Variants in TMEM156 observed in about 807,000 individuals in gnomAD.
TMEM156 encodes the protein transmembrane protein 156.
Under a neutral mutation model 30.5 loss-of-function variants are expected in TMEM156, and 28 were observed. The observed-to-expected ratio is 0.92, with a 90% confidence interval of 0.68 to 1.26. TMEM156 has a LOEUF of 1.26. Among genes scored for constraint, TMEM156 ranks in the 50% most tolerant of loss-of-function variants. The pLI is 0.00. For missense variants in TMEM156, 351 were observed against 340.6 expected (o/e 1.03, Z -0.24); for synonymous variants, 137 against 119.9 (o/e 1.14, Z -0.93).
intron 1 of TMEM156, among the ~76,000 whole-genome samples, chr4:38,999,119 T>A (rs34438802): frequency 0.23 from 28,736 of 122,670 alleles, 2,429 homozygotes; most frequent in Middle Eastern, 0.29. Flanking sequence ...TATTTTTTTT[T>A]TTTTTTTTTT....
intron 6 of TMEM156, among the ~76,000 whole-genome samples, chr4:38,969,409 C>T (rs1471757675): frequency 6.6e-6 from 1 of 152,124 alleles, no homozygotes; most frequent in Non-Finnish European, 1.5e-5. Context: ...GCATATGGCA[C>T]GATTTCATTT....
intron 6 of TMEM156, among the ~76,000 whole-genome samples, chr4:38,968,887 A>G (rs892906378): frequency 3.3e-5 from 5 of 152,114 alleles, no homozygotes; most frequent in African/African-American, 1.2e-4. Flanking sequence ...TGGGAGGCCA[A>G]CTTACATAAC....
At chr4:38,980,648 A>C (rs1273727720) in intron 5 of TMEM156, among the ~76,000 whole-genome samples, 5 of 152,218 alleles carry the variant, frequency 3.3e-5, no homozygotes, top group Non-Finnish European at 7.3e-5. Flanking sequence ...CTGCAAAGAA[A>C]GATGTACGGT....
At chr4:39,018,958 T>C (rs1434987304) in intron 1 of TMEM156, among the ~76,000 whole-genome samples, 1 of 149,824 alleles carries the variant, frequency 6.7e-6, no homozygotes, top group Non-Finnish European at 1.5e-5. Context: ...GAGGCAAATG[T>C]TGCAGTGAGC....
chr4:38,974,425 T>C (rs989433146), intron 5 of TMEM156, among the ~76,000 whole-genome samples: 1 of 152,044 alleles, frequency 6.6e-6, no homozygotes, highest in Non-Finnish European at 1.5e-5. Flanking sequence ...ATAATGTTTA[T>C]TTCAAAAATA....
chr4:39,021,423 GAAAAGAAAA>G, intron 1 of TMEM156, among the ~76,000 whole-genome samples: 1 of 151,072 alleles, frequency 6.6e-6, no homozygotes, highest in Middle Eastern at 3.4e-3. Context: ...AAAAAGAAAA[GAAAAGAAAA>G]AAATGAAAAA....
At chr4:38,992,682 T>TATATAATATA (rs374942430) in intron 3 of TMEM156, among the ~76,000 whole-genome samples, 1 of 45,672 alleles carries the variant, frequency 2.2e-5, no homozygotes, top group Admixed American at 2.6e-4. Context: ...ATATAATATA[T>TATATAATATA]TATATAATAT....
At chr4:39,006,958 CAAAA>C (rs1315516421) in intron 1 of TMEM156, among the ~76,000 whole-genome samples, 3 of 151,248 alleles carry the variant, frequency 2.0e-5, no homozygotes, top group African/African-American at 7.3e-5. Context: ...AACAAACAAA[CAAAA>C]AAACAAAAAC....
At chr4:39,009,944 G>A (rs1713998722) in intron 1 of TMEM156, among the ~76,000 whole-genome samples, 1 of 152,110 alleles carries the variant, frequency 6.6e-6, no homozygotes, top group Non-Finnish European at 1.5e-5. Flanking sequence ...TAGGAAAAGA[G>A]AAGTCAAGTT....
At chr4:39,005,036 G>GATGA (rs1417934580) in intron 1 of TMEM156, among the ~76,000 whole-genome samples, 1 of 152,136 alleles carries the variant, frequency 6.6e-6, no homozygotes, top group Non-Finnish European at 1.5e-5. Context: ...CATGTAATGG[G>GATGA]ATACCACTCA....
chr4:39,021,685 A>C (rs1442495280), intron 1 of TMEM156, among the ~76,000 whole-genome samples: 1 of 152,090 alleles, frequency 6.6e-6, no homozygotes, highest in East Asian at 1.9e-4. Flanking sequence ...TGCCTGTTTT[A>C]TGGGTCATAA....
intron 1 of TMEM156, among the ~76,000 whole-genome samples, chr4:39,013,427 A>G (rs1714264759): frequency 6.7e-6 from 1 of 149,502 alleles, no homozygotes; most frequent in Non-Finnish European, 1.5e-5. Flanking sequence ...ATTAAGACGG[A>G]GTCTTGCTCT....
intron 5 of TMEM156, among the ~76,000 whole-genome samples, chr4:38,982,639 A>C (rs970058079): frequency 1.4e-4 from 22 of 152,360 alleles, no homozygotes; most frequent in African/African-American, 5.0e-4. Context: ...AGCAACAACA[A>C]TCCACAGATA....
chr4:38,968,134 C>A (rs1468600080), intron 6 of TMEM156, among the ~76,000 whole-genome samples: 2 of 152,198 alleles, frequency 1.3e-5, no homozygotes, highest in African/African-American at 4.8e-5. Context: ...TGATAACAAA[C>A]TTCTCAGCCT....
At position 39,022,143 on chromosome 4, in the gene TMEM156, C is replaced by T. The variant is rs1226673411; in HGVS notation, c.88+10083G>A. Among the ~76,000 whole-genome samples the T allele has an allele frequency of 2.6e-5, 4 of 152,180 alleles. No homozygotes were observed. The East Asian group carries it at 7.7e-4, about 29-fold the overall frequency. On this transcript the variant is annotated intron_variant, in intron 1 of 6. Coordinates refer to ENST00000381938, the MANE Select transcript of TMEM156 (RefSeq NM_024943.3). The stretch of plus-strand genomic sequence containing the variant: ...TAATGGCACCATTAACCCAAAGTGA[C>T]TTTAACTACATTCCTGGATTGGACT...
At chr4:38,975,379 C>CTTTTTTTTTTTTTT (rs200919074) in intron 5 of TMEM156, among the ~76,000 whole-genome samples, 2 of 123,798 alleles carry the variant, frequency 1.6e-5, no homozygotes, top group African/African-American at 3.5e-5. Context: ...TTTCTTTTTT[C>CTTTTTTTTTTTTTT]TTTTCTTTTT....
chr4:39,031,867 A>G (rs1715522871), intron 1 of TMEM156, among the ~76,000 whole-genome samples: 1 of 140,248 alleles, frequency 7.1e-6, no homozygotes, highest in Admixed American at 7.4e-5. Context: ...TGAGCGACAG[A>G]GACTCCATCT....
chr4:39,001,119 C>T (rs1713314211), intron 1 of TMEM156, among the ~76,000 whole-genome samples: 2 of 150,670 alleles, frequency 1.3e-5, no homozygotes, highest in South Asian at 2.1e-4. Flanking sequence ...AGAAAACAAC[C>T]GACCACTTCG....
chr4:39,027,986 A>T (rs1715312640), intron 1 of TMEM156, among the ~76,000 whole-genome samples: 1 of 151,438 alleles, frequency 6.6e-6, no homozygotes, highest in African/African-American at 2.4e-5. Flanking sequence ...TAAACTCCTG[A>T]CCTCAATTGA....
Sources: gnomAD v4.1 joint callset for allele counts (sites outside exome capture counted in the v4.1 genomes callset) on GRCh38, gnomAD v4.1.1 for gene constraint, MANE v1.5 for transcripts, NCBI Gene and HGNC (gene_info 2026-07-23, HGNC 2026-07-21) for gene names.